GSDMB: variants seen among roughly 807,000 people sequenced by gnomAD.
The protein encoded by GSDMB is gasdermin-B.
GSDMB carries 32 observed loss-of-function variants against 42.9 expected under a neutral mutation model. The observed-to-expected ratio is 0.75, with a 90% CI of 0.56 to 1.00. The LOEUF is 1.00. Among genes scored for constraint, GSDMB ranks in the 50% least tolerant of loss-of-function variants. GSDMB has a pLI of 0.00. For missense variants in GSDMB, 468 were observed against 498.5 expected, an observed-to-expected ratio of 0.94 and a Z score of 0.58; for synonymous variants, 175 against 193.7, an observed-to-expected ratio of 0.90 and a Z score of 0.80.
chr17:39,911,242 G>A (rs2063602017), intron 3 of GSDMB, among the ~76,000 whole-genome samples: 1 of 150,666 alleles, frequency 6.6e-6, no homozygotes, highest in South Asian at 2.1e-4. Flanking sequence ...AGAATCTCTT[G>A]AATCCAGGAG....
intron 2 of GSDMB, among the ~76,000 whole-genome samples, chr17:39,913,723 G>A (rs1444520228): frequency 6.6e-6 from 1 of 152,188 alleles, no homozygotes; most frequent in Non-Finnish European, 1.5e-5. Context: ...GATTGATCAG[G>A]CACTAATAAG....
At chr17:39,911,737 C>A (rs2063612746) in intron 3 of GSDMB, among the ~76,000 whole-genome samples, 1 of 152,102 alleles carries the variant, frequency 6.6e-6, no homozygotes, top group South Asian at 2.1e-4. Context: ...GTGGGAAAGA[C>A]GAACATGGAA....
rs532808692 is a variant in GSDMB at position 39,911,450 on chromosome 17, AAAC to A, written c.407+873_407+875del. On this transcript the variant is annotated intron_variant, in intron 3 of 10. Transcript: ENST00000418519. The stretch of plus-strand genomic sequence containing the variant: ...AATCTCCAACAATCCCAGCTGAAGA[AAAC>A]AACAACAGAACTATTGCTGAGGGGA... Among the ~76,000 whole-genome samples the A allele has an allele frequency of 1.2e-4, 19 of 152,266 alleles. No homozygotes were observed. The South Asian group carries it at 3.5e-3, about 28-fold the overall frequency.
At chr17:39,905,065 G>T in intron 10 of GSDMB, 101 bp from the exon 11 acceptor site, 3 of 949,136 alleles carry the variant, frequency 3.2e-6, no homozygotes, top group African/African-American at 1.6e-5. Context: ...ATAGGCAGAC[G>T]TAATAATCCA....
intron 2 of GSDMB, among the ~76,000 whole-genome samples, chr17:39,914,569 C>T (rs1201188685): frequency 6.6e-6 from 1 of 152,022 alleles, no homozygotes; most frequent in African/African-American, 2.4e-5. Context: ...CAAGACCAGC[C>T]TGGCCAACAT....
rs780302073 is a variant in GSDMB at position 39,904,851 on chromosome 17, C to A, written c.1212G>T (p.Leu404=). 1 of 1,613,972 alleles carries A rather than the reference C, an allele frequency of 6.2e-7. No homozygotes were observed. Among genetic ancestry groups the A allele is most frequent in the Non-Finnish European group, 8.5e-7 (1 of 1,179,876 alleles). ...LCALYVVVSI[L]LELAEGPTSV... ...AGGTAGGCCCCTCAGCCAGCTCCAGCAGGATAGAGACAACAACATACAGCG... is the reference window on the plus strand; with the variant it reads ...AGGTAGGCCCCTCAGCCAGCTCCAGAAGGATAGAGACAACAACATACAGCG... Residue 404 remains leucine, a synonymous_variant, in exon 11 of 11, where the codon CTG becomes CTT. Coordinates refer to ENST00000418519, the MANE Select transcript of GSDMB (RefSeq NM_001165958.2).
In GSDMB at chr17:39,905,986, C is replaced by T; in HGVS notation, c.889-1G>A. 4 of 1,613,940 alleles carry T rather than the reference C, an allele frequency of 2.5e-6. No individual in the cohort carries two copies. Among genetic ancestry groups the T allele is most frequent in the Non-Finnish European group, 3.4e-6 (4 of 1,179,876 alleles). ...CCCCGGAAATCAGGACCTCAGATAC[C>T]TAGGGCCAGGAAGTGTGGGAGATGA... On this transcript the variant is annotated splice_acceptor_variant, in intron 8 of 10. Transcript: ENST00000418519. LOFTEE classifies it high-confidence loss of function.
In GSDMB at chr17:39,917,277, T is replaced by C. The variant is rs761686694; in HGVS notation, c.40A>G (p.Lys14Glu). The change falls in exon 2 of 11, where the codon AAG becomes GAG. Residue 14 changes from lysine to glutamate, a missense_variant. By Grantham distance (56) the Lys-to-Glu change is moderately conservative. Coordinates refer to ENST00000418519, the MANE Select transcript of GSDMB (RefSeq NM_001165958.2). ...VFEEITRIVVKEMDAGGDMIA... is the reference protein window; with the variant it reads ...VFEEITRIVVEEMDAGGDMIA... ...ATATCCCCTCCAGCATCCATCTCCT[T>C]AACTACAATTCTTGTGATTTCCTCA... 7.4e-5 allele frequency: 120 copies of C among 1,613,506 alleles called. No homozygotes were observed. Among genetic ancestry groups the C allele is most frequent in the Non-Finnish European group, 9.9e-5 (117 of 1,179,514 alleles).
At position 39,904,856 on chromosome 17, in the gene GSDMB, TAG is replaced by T; in HGVS notation, c.1205_1206del (p.Ser402TyrfsTer7). The T allele has an allele frequency of 1.2e-6, 2 of 1,613,898 alleles. No homozygotes were observed. The highest frequency in any genetic ancestry group is 1.7e-6 in the Non-Finnish European group (2 of 1,179,912). On this transcript the variant is annotated frameshift_variant, in exon 11 of 11. Transcript: ENST00000418519. LOFTEE classifies it high-confidence loss of function. ...RILCALYVVV[S>X]ILLELAEGPT... is the part of the protein sequence containing the mutation. ...GGCCCCTCAGCCAGCTCCAGCAGGA[TAG>T]AGACAACAACATACAGCGCACAGAG...
intron 2 of GSDMB, among the ~76,000 whole-genome samples, chr17:39,913,111 TCAAAA>T (rs5820308): frequency 0.64 from 95,114 of 149,456 alleles, 31,556 homozygotes; most frequent in African/African-American, 0.84. Flanking sequence ...CCTCTCTGCC[TCAAAA>T]CAAAACAAAA....
chr17:39,908,784 C>T (rs1272031968), intron 5 of GSDMB, among the ~76,000 whole-genome samples, 174 bp downstream of exon 5: 1 of 152,166 alleles, frequency 6.6e-6, no homozygotes, highest in Non-Finnish European at 1.5e-5. Context: ...CAGGTCAGAG[C>T]ATGGAGCCTC....
At chr17:39,909,180 G>A in intron 4 of GSDMB, 138 bp from the exon 5 acceptor site, 2 of 607,898 alleles carry the variant, frequency 3.3e-6, no homozygotes. Context: ...TCAGAGGTCA[G>A]CAGGTGAGAC....
intron 2 of GSDMB, among the ~76,000 whole-genome samples, chr17:39,915,776 G>A (rs2063699467): frequency 6.6e-6 from 1 of 152,038 alleles, no homozygotes; most frequent in Non-Finnish European, 1.5e-5. Flanking sequence ...AGTAATCTGG[G>A]TACTGCTCTT....
intron 3 of GSDMB, among the ~76,000 whole-genome samples, chr17:39,910,289 A>C (rs749991254): frequency 2.0e-5 from 3 of 152,092 alleles, no homozygotes; most frequent in Non-Finnish European, 4.4e-5. Context: ...GCACCATTGC[A>C]CTCCAGCCTG....
chr17:39,916,149 C>T (rs8065777), intron 2 of GSDMB, among the ~76,000 whole-genome samples: 93,084 of 151,948 alleles, frequency 0.61, 29,781 homozygotes, highest in African/African-American at 0.81. Flanking sequence ...GAAACTTCCC[C>T]TTCAGTCTTG....
chr17:39,907,191 A>T, intron 6 of GSDMB: 34 of 1,407,320 alleles, frequency 2.4e-5, no homozygotes, highest in Non-Finnish European at 3.1e-5. Context: ...ACAGGCAGTC[A>T]TAGGACTGTG....
intron 3 of GSDMB, among the ~76,000 whole-genome samples, chr17:39,911,901 A>T (rs978255576): frequency 2.0e-5 from 3 of 151,716 alleles, no homozygotes; most frequent in Non-Finnish European, 4.4e-5. Context: ...ATGCCATTGC[A>T]CTCTAGCCTG....
At position 39,906,142 on chromosome 17, in the gene GSDMB, T is replaced by C; in HGVS notation, c.857A>G (p.Lys286Arg). 6.2e-7 allele frequency: 1 copy of C among 1,614,200 alleles called. No homozygotes were observed. The highest frequency in any genetic ancestry group is 8.5e-7 in the Non-Finnish European group (1 of 1,180,018). ...CTCTAGATCCTGCCGAATATCCTCC[T>C]TGCCGAGGCACTTAGCGAGGGAGTT... ...VLNSLAKCLG[K>R]EDIRQDLEQR... is the part of the protein sequence containing the mutation. Residue 286 changes from lysine (K) to arginine (R), a missense_variant, in exon 8 of 11, where the codon AAG (lysine) becomes AGG (arginine). Lys to Arg is a conservative substitution (Grantham distance 26, BLOSUM62 2). Coordinates refer to ENST00000418519, the MANE Select transcript of GSDMB (RefSeq NM_001165958.2).
Position 39,917,165 on chromosome 17 carries a change from T to C in GSDMB, c.152A>G (p.His51Arg). ...CATCAGGGTGAGGCCTGTTGTGTAGTGCCGGCATCCAAAGAAAGTTCTCTT... is the reference window on the plus strand; with the variant it reads ...CATCAGGGTGAGGCCTGTTGTGTAGCGCCGGCATCCAAAGAAAGTTCTCTT... ...GEKRTFFGCR[H>R]YTTGLTLMDI... Residue 51 changes from histidine to arginine, a missense_variant, in exon 2 of 11, where the codon CAC (histidine) becomes CGC (arginine). Coordinates refer to ENST00000418519, the MANE Select transcript of GSDMB (RefSeq NM_001165958.2). The C allele has an allele frequency of 6.2e-7, 1 of 1,614,158 alleles. No homozygotes were observed. The highest frequency in any genetic ancestry group is 8.5e-7 in the Non-Finnish European group (1 of 1,180,002).
Sources: allele counts gnomAD v4.1 joint callset (sites outside exome capture counted in the v4.1 genomes callset), GRCh38; gene constraint gnomAD v4.1.1; transcripts MANE v1.5; gene names NCBI Gene and HGNC (gene_info 2026-07-23, HGNC 2026-07-21).